C1QTNF6: variants seen among roughly 807,000 people sequenced by gnomAD.
The protein encoded by C1QTNF6 is complement C1q tumor necrosis factor-related protein 6.
A neutral mutation model predicts 20.7 loss-of-function variants in C1QTNF6; 17 were observed. The ratio of observed to expected loss-of-function variants is 0.82; its 90% CI spans 0.56 to 1.23. The LOEUF is 1.23. Ranked by LOEUF, C1QTNF6 falls within the 50% of genes most tolerant of loss-of-function variation. The probability of loss-of-function intolerance (pLI) is 0.00; values close to 1 mark genes in which losing one functional copy is unlikely to be tolerated. For synonymous variants in C1QTNF6, 130 were observed against 156.3 expected (o/e 0.83, Z 1.25); for missense variants, 329 against 389.7 (o/e 0.84, Z 1.31).
chr22:37,183,847 C>T (rs548854918), intron 2 of C1QTNF6, among the ~76,000 whole-genome samples: 34 of 152,296 alleles, frequency 2.2e-4, no homozygotes, highest in African/African-American at 6.7e-4. Flanking sequence ...GTGGACAGGA[C>T]GAAGGGACTA....
Position 37,181,279 on chromosome 22 carries a change from TAATG to T in C1QTNF6, c.*905_*908del, listed in dbSNP as rs1177139403. 6.6e-6 allele frequency: 1 copy of T among 152,450 alleles called. No homozygotes were observed. The highest frequency in any genetic ancestry group is 1.5e-5 in the Non-Finnish European group (1 of 68,222). The allele number at this position is 152,450 out of a possible 1,614,324, so 9.4% of individuals were successfully genotyped here. ...CAGCACAGAGTGAGTGCTCAGTGTT[TAATG>T]AATGAATAAATGAACGGTGGCTGCA... On this transcript the variant is annotated 3_prime_UTR_variant, in exon 3 of 3. Transcript: ENST00000337843.
At position 37,185,436 on chromosome 22, in the gene C1QTNF6, G is replaced by A. The variant is rs1366791228; in HGVS notation, c.71C>T (p.Ala24Val). Residue 24 changes from alanine (A) to valine (V), a missense_variant, in exon 2 of 3, where the codon GCC (alanine) becomes GTC (valine). By Grantham distance (64) the Ala-to-Val change is moderately conservative. Transcript: ENST00000337843. ...GAGCGCTGCCCAGACGGGACCCAGG[G>A]CGGCTGTCCCCATGGTGACCTGGAA... ...TGHRVTMGTA[A>V]LGPVWAALLL... The A allele has an allele frequency of 1.2e-6, 2 of 1,606,872 alleles. No homozygotes were observed. Among genetic ancestry groups the A allele is most frequent in the African/African-American group, 2.7e-5 (2 of 74,674 alleles).
In C1QTNF6 at chr22:37,182,118, G is replaced by A; in HGVS notation, c.*70C>T. On this transcript the variant is annotated 3_prime_UTR_variant, in exon 3 of 3. Transcript: ENST00000337843. ...CCTGGCCTTCCTGCTTCACAGCAGT[G>A]CAAACTGAGCCCTGCAGGGGACGGG... The A allele has an allele frequency of 6.7e-7, 1 of 1,502,696 alleles. No homozygotes were observed. Among genetic ancestry groups the A allele is most frequent in the Non-Finnish European group, 8.9e-7 (1 of 1,119,056 alleles). 93.1% of individuals were successfully genotyped at this position (1,502,696 alleles called of 1,614,324 possible). A position where few individuals can be genotyped will look rare whatever the true frequency, so the allele number is the denominator to read the frequency against.
At chr22:37,186,975 G>A (rs933881199) in intron 1 of C1QTNF6, among the ~76,000 whole-genome samples, 2 of 152,120 alleles carry the variant, frequency 1.3e-5, no homozygotes, top group African/African-American at 4.8e-5. Flanking sequence ...CAGCACTTTG[G>A]GAGGCCACGG....
chr22:37,181,524 C>T lies in C1QTNF6; in HGVS notation c.*664G>A, dbSNP rs1291468987. The T allele has an allele frequency of 6.6e-6, 1 of 152,144 alleles. No individual in the cohort carries two copies. The highest frequency in any genetic ancestry group is 1.5e-5 in the Non-Finnish European group (1 of 68,070). The allele number at this position is 152,144 out of a possible 1,614,324, so 9.4% of individuals were successfully genotyped here. On this transcript the variant is annotated 3_prime_UTR_variant, in exon 3 of 3. Coordinates refer to ENST00000337843, the MANE Select transcript of C1QTNF6 (RefSeq NM_031910.4). ...CCAATATGGTGAAACCCCATCTCTACTAAAAATACAAAAATTAGCCAGGCA... is the reference window on the plus strand; with the variant it reads ...CCAATATGGTGAAACCCCATCTCTATTAAAAATACAAAAATTAGCCAGGCA...
At position 37,182,282 on chromosome 22, in the gene C1QTNF6, A is replaced by G. The variant is rs763287603; in HGVS notation, c.743T>C (p.Leu248Pro). Residue 248 changes from leucine (L) to proline (P), a missense_variant, in exon 3 of 3, where the codon CTC (leucine) becomes CCC (proline). Physicochemically the swap from Leu to Pro is moderately conservative, Grantham distance 98 (BLOSUM62 -3). Coordinates refer to ENST00000337843, the MANE Select transcript of C1QTNF6 (RefSeq NM_031910.4). Reference protein sequence around the residue: ...LAYGDRVWVRLFKRQRENAIY... With the variant: ...LAYGDRVWVRPFKRQRENAIY... ...GGCGTTCTCGCGCTGGCGCTTGAAG[A>G]GCCGCACCCAGACGCGGTCCCCGTA... The G allele has an allele frequency of 3.7e-6, 6 of 1,614,100 alleles. No individual in the cohort carries two copies. In the African/African-American group the frequency reaches 8.0e-5, roughly 22 times the overall value.
chr22:37,191,286 T>C (rs902299851), upstream of C1QTNF6, among the ~76,000 whole-genome samples: 4 of 152,206 alleles, frequency 2.6e-5, no homozygotes, highest in South Asian at 2.1e-4. Context: ...ATAATTATTA[T>C]TGATAATGTC....
upstream of C1QTNF6, among the ~76,000 whole-genome samples, chr22:37,198,892 C>T (rs1005204725): frequency 2.0e-5 from 3 of 152,132 alleles, no homozygotes; most frequent in African/African-American, 7.2e-5. Flanking sequence ...CGCCCAGGGG[C>T]CGGGGAAAGT....
chr22:37,198,447 C>G (rs939869218), upstream of C1QTNF6: 1 of 152,166 alleles, frequency 6.6e-6, no homozygotes, highest in Non-Finnish European at 1.5e-5. Context: ...AAAATAGGCA[C>G]ATTCAGTCAG....
chr22:37,195,882 T>G (rs994376465), intron 1 of C1QTNF6: 2 of 152,230 alleles, frequency 1.3e-5, no homozygotes, highest in African/African-American at 4.8e-5. Flanking sequence ...GAGATCACTT[T>G]CATCACCATC....
Position 37,188,187 on chromosome 22 carries a change from C to A in C1QTNF6, c.27G>T (p.Ser9=). Residue 9 remains serine (S), a synonymous_variant, in exon 1 of 3, where the codon TCG becomes TCT. Coordinates refer to ENST00000337843, the MANE Select transcript of C1QTNF6 (RefSeq NM_031910.4). The stretch of plus-strand genomic sequence containing the variant: ...CCCTGTGTCCTGTGGCCTCCCCAGG[C>A]GACTCACGGACCCTGAGCCACTGCA... MQWLRVRE[S]PGEATGHRVT... 6.2e-7 allele frequency: 1 copy of A among 1,609,480 alleles called. No homozygotes were observed. The highest frequency in any genetic ancestry group is 1.7e-4 in the Middle Eastern group (1 of 5,928).
At position 37,182,275 on chromosome 22, in the gene C1QTNF6, C is replaced by G; in HGVS notation, c.750G>C (p.Lys250Asn). The G allele has an allele frequency of 6.2e-7, 1 of 1,614,220 alleles. No individual in the cohort carries two copies. Among genetic ancestry groups the G allele is most frequent in the South Asian group, 1.1e-5 (1 of 91,090 alleles). The change falls in exon 3 of 3, where the codon AAG (lysine) becomes AAC (asparagine). Residue 250 changes from lysine (K) to asparagine (N), a missense_variant. Coordinates refer to ENST00000337843, the MANE Select transcript of C1QTNF6 (RefSeq NM_031910.4). ...YGDRVWVRLFKRQRENAIYSN... is the reference protein window; with the variant it reads ...YGDRVWVRLFNRQRENAIYSN... ...TGTAGATGGCGTTCTCGCGCTGGCGCTTGAAGAGCCGCACCCAGACGCGGT... is the reference window on the plus strand; with the variant it reads ...TGTAGATGGCGTTCTCGCGCTGGCGGTTGAAGAGCCGCACCCAGACGCGGT...
At chr22:37,190,650 T>C (rs190884222), upstream of C1QTNF6, 6 of 151,974 alleles carry the variant, frequency 3.9e-5, no homozygotes, top group African/African-American at 1.4e-4. Flanking sequence ...CAAACCCTTG[T>C]TAAATAACCA....
chr22:37,186,867 C>T (rs1335570160), intron 1 of C1QTNF6, among the ~76,000 whole-genome samples: 1 of 152,002 alleles, frequency 6.6e-6, no homozygotes, highest in Non-Finnish European at 1.5e-5. Context: ...ACAATTATTA[C>T]TTTTTAAAAT....
Position 37,184,783 on chromosome 22 carries a change from C to T in C1QTNF6, c.289+435G>A, listed in dbSNP as rs1924149430. ...GCCTGGTGCATCTCCCGGCCCTGCCCCAGGGCCCCTGCACCAGCTGTGCCC... is the reference window on the plus strand; with the variant it reads ...GCCTGGTGCATCTCCCGGCCCTGCCTCAGGGCCCCTGCACCAGCTGTGCCC... On this transcript the variant is annotated intron_variant, in intron 2 of 2. Coordinates refer to ENST00000337843, the MANE Select transcript of C1QTNF6 (RefSeq NM_031910.4). This position sits in a 1 kb window ranked among gnomAD's most constrained non-coding sequence, Gnocchi z 4.0. 6.6e-6 allele frequency among the ~76,000 whole-genome samples: 1 copy of T among 152,154 alleles called. No homozygotes were observed. The highest frequency in any genetic ancestry group is 1.5e-5 in the Non-Finnish European group (1 of 68,012).
At chr22:37,193,767 C>T (rs774663156) in intron 2 of C1QTNF6, among the ~76,000 whole-genome samples, 1 of 151,982 alleles carries the variant, frequency 6.6e-6, no homozygotes, top group Non-Finnish European at 1.5e-5. Context: ...TCTAGAATCG[C>T]CAAGGGTAGT....
chr22:37,193,028 C>A (rs62235065), upstream of C1QTNF6, among the ~76,000 whole-genome samples: 35,744 of 151,972 alleles, frequency 0.24, 4,676 homozygotes, highest in Non-Finnish European at 0.3. Flanking sequence ...TCCCCCATGG[C>A]AGTCTTATCT....
chr22:37,184,546 G>GGACAGCCCTCACCTC lies in C1QTNF6; in HGVS notation c.289+671_289+672insGAGGTGAGGGCTGTC. 1.4e-6 allele frequency: 1 copy of GGACAGCCCTCACCTC among 700,856 alleles called. No individual in the cohort carries two copies. The highest frequency in any genetic ancestry group is 2.6e-6 in the Non-Finnish European group (1 of 378,188). 43.4% of individuals were successfully genotyped at this position (700,856 alleles called of 1,614,324 possible). ...GCCCTCACCTGGACAGCCCTCACCT[G>GGACAGCCCTCACCTC]GATGGCCCTCACCTGGACAGGCCCC... On this transcript the variant is annotated intron_variant, in intron 2 of 2. Transcript: ENST00000337843. This position sits in a 1 kb window ranked among gnomAD's most constrained non-coding sequence, Gnocchi z 4.0.
chr22:37,184,507 C>A lies in C1QTNF6; in HGVS notation c.289+711G>T, dbSNP rs2145763108. On this transcript the variant is annotated intron_variant, in intron 2 of 2. Transcript: ENST00000337843. The surrounding 1 kb of genome is among the most constrained non-coding windows in gnomAD (Gnocchi z 4.0). ...CCTGGATGCCTTTCACCTGGACGGG[C>A]CCTCACCTGGACAGCCCTCACCTGG... 4.2e-6 allele frequency: 3 copies of A among 712,218 alleles called. No individual in the cohort carries two copies. The highest frequency in any genetic ancestry group is 5.2e-6 in the Non-Finnish European group (2 of 383,782). 44.1% of individuals were successfully genotyped at this position (712,218 alleles called of 1,614,324 possible). A position where few individuals can be genotyped will look rare whatever the true frequency, so the allele number is the denominator to read the frequency against.
Sources: gnomAD v4.1 joint callset for allele counts (sites outside exome capture counted in the v4.1 genomes callset) on GRCh38, gnomAD v4.1.1 for gene constraint, Gnocchi (gnomAD v3.1) non-coding constraint, MANE v1.5 for transcripts, NCBI Gene and HGNC (gene_info 2026-07-23, HGNC 2026-07-21) for gene names.